IL22: variants seen among roughly 807,000 people sequenced by gnomAD.
The protein encoded by IL22 is interleukin-22.
IL22 carries 15 observed loss-of-function variants against 15.5 expected under a neutral mutation model. The ratio of observed to expected loss-of-function variants is 0.97; its 90% CI spans 0.65 to 1.49. The LOEUF (loss-of-function observed/expected upper bound fraction) is 1.49. Ranked by LOEUF, IL22 falls within the 40% of genes most tolerant of loss-of-function variation. The probability of loss-of-function intolerance (pLI) is 0.00; values close to 1 mark genes in which losing one functional copy is unlikely to be tolerated. For synonymous variants in IL22, 91 were observed against 82.0 expected (o/e 1.11, Z -0.60); for missense variants, 225 against 215.4 (o/e 1.04, Z -0.28).
In IL22 at chr12:68,253,271, C is replaced by T. The variant is rs939393811; in HGVS notation, c.178G>A (p.Ala60Thr). ...AGGATTGAGATGTATACCTCCTTAG[C>T]CAGCATGAAGGTGCGGTTGGTGATA... ...PYITNRTFML[A>T]KEASLADNNT... is the part of the protein sequence containing the mutation. Residue 60 changes from alanine to threonine, a missense_variant, in exon 2 of 6, where the codon GCT becomes ACT. Transcript: ENST00000538666. 1.2e-6 allele frequency: 2 copies of T among 1,612,616 alleles called. No homozygotes were observed. Among genetic ancestry groups the T allele is most frequent in the African/African-American group, 2.7e-5 (2 of 74,838 alleles).
chr12:68,249,009 A>C (rs1251561593), intron 5 of IL22, 133 bp from the exon 6 acceptor site: 2 of 715,196 alleles, frequency 2.8e-6, no homozygotes, highest in Non-Finnish European at 4.8e-6. Context: ...ATTCATAGTA[A>C]TATCCCTTTA....
chr12:68,248,945 A>T, intron 5 of IL22, 69 bp from the exon 6 acceptor site: 1 of 1,269,982 alleles, frequency 7.9e-7, no homozygotes, highest in Non-Finnish European at 1.1e-6. Context: ...CAAATTAGAA[A>T]TTGCAAGATT....
intron 4 of IL22, 150 bp downstream of exon 4, chr12:68,252,354 G>A: frequency 1.4e-6 from 1 of 735,824 alleles, no homozygotes; most frequent in South Asian, 1.8e-5. Flanking sequence ...AATACTCTAT[G>A]ATCCCAAATG....
chr12:68,252,684 A>C (rs761922574), intron 3 of IL22, 37 bp from the exon 4 acceptor site: 2 of 1,613,224 alleles, frequency 1.2e-6, no homozygotes, highest in South Asian at 2.2e-5. Context: ...GTCATAAGGG[A>C]TAAGACCTAA....
At position 68,248,760 on chromosome 12, in the gene IL22, G is replaced by C. The variant is rs1286768550; in HGVS notation, c.*39C>G. On this transcript the variant is annotated 3_prime_UTR_variant, in exon 6 of 6. Coordinates refer to ENST00000538666, the MANE Select transcript of IL22 (RefSeq NM_020525.5). The stretch of plus-strand genomic sequence containing the variant: ...GCATCTAATTGTTATTTCTAGCAGG[G>C]AAAGGGGGTTAGTTATTCATTTTTC... The C allele has an allele frequency of 6.6e-7, 1 of 1,520,876 alleles. No individual in the cohort carries two copies. The highest frequency in any genetic ancestry group is 2.3e-5 in the East Asian group (1 of 44,002). The allele number at this position is 1,520,876 out of a possible 1,614,324, so 94.2% of individuals were successfully genotyped here. A position where few individuals can be genotyped will look rare whatever the true frequency, so the allele number is the denominator to read the frequency against.
At chr12:68,252,395 C>T (rs996629231) in intron 4 of IL22, 109 bp downstream of exon 4, 2 of 1,126,456 alleles carry the variant, frequency 1.8e-6, no homozygotes, top group Admixed American at 2.0e-5. Context: ...CAAGACACTT[C>T]TTCCTGCTAG....
chr12:68,248,726 C>T lies in IL22; in HGVS notation c.*73G>A, dbSNP rs138303944. The T allele has an allele frequency of 4.4e-5, 53 of 1,195,408 alleles. No individual in the cohort carries two copies. Among genetic ancestry groups the T allele is most frequent in the Admixed American group, 8.1e-5 (4 of 49,506 alleles). The allele number at this position is 1,195,408 out of a possible 1,614,324, so 74.1% of individuals were successfully genotyped here. Reference sequence around the variant, plus strand: ...CATCTTCCTTTTGGTTAAAAAAAATCGCTTTGGGGCATCTAATTGTTATTT... The same window carrying T: ...CATCTTCCTTTTGGTTAAAAAAAATTGCTTTGGGGCATCTAATTGTTATTT... On this transcript the variant is annotated 3_prime_UTR_variant, in exon 6 of 6. Coordinates refer to ENST00000538666, the MANE Select transcript of IL22 (RefSeq NM_020525.5).
Position 68,251,507 on chromosome 12 carries a change from T to TC in IL22, c.462+5dup. On this transcript the variant is annotated splice_donor_region_variant and intron_variant, in intron 5 of 5. Coordinates refer to ENST00000538666, the MANE Select transcript of IL22 (RefSeq NM_020525.5). ...ATGACTTAGCATTGACAGTTATCAG[T>TC]CCTACCTTTTTCACTGTGTCCTTCA... 2 of 1,599,028 alleles carry TC rather than the reference T, an allele frequency of 1.3e-6. No homozygotes were observed. The highest frequency in any genetic ancestry group is 1.7e-6 in the Non-Finnish European group (2 of 1,166,262).
At chr12:68,252,446 G>C in intron 4 of IL22, 58 bp downstream of exon 4, 1 of 1,576,146 alleles carries the variant, frequency 6.3e-7, no homozygotes, top group Non-Finnish European at 8.7e-7. Flanking sequence ...GGGTAAGGGG[G>C]TCTCTGTGGA....
In IL22 at chr12:68,248,403, A is replaced by C. The variant is rs1204008716; in HGVS notation, c.*396T>G. On this transcript the variant is annotated 3_prime_UTR_variant, in exon 6 of 6. Transcript: ENST00000538666. ...AATGATATAAATAAAATGCAGTCTT[A>C]TAATAATAATAAATACATTTATAAA... is the stretch of plus-strand genomic sequence containing the variant. 6.6e-6 allele frequency: 1 copy of C among 152,146 alleles called. No individual in the cohort carries two copies. The highest frequency in any genetic ancestry group is 1.5e-5 in the Non-Finnish European group (1 of 68,186). 9.4% of individuals were successfully genotyped at this position (152,146 alleles called of 1,614,324 possible).
At chr12:68,249,711 G>A (rs1869862096) in intron 5 of IL22, among the ~76,000 whole-genome samples, 2 of 152,040 alleles carry the variant, frequency 1.3e-5, no homozygotes, top group Admixed American at 6.5e-5. Flanking sequence ...AAACTTAATC[G>A]AAGAGGAAAC....
At chr12:68,253,217 G>C in intron 2 of IL22, 46 bp downstream of exon 2, 1 of 1,520,678 alleles carries the variant, frequency 6.6e-7, no homozygotes, top group African/African-American at 1.4e-5. Flanking sequence ...GAACTATTTG[G>C]ATTCCAAGTA....
rs1205078217 is a variant in IL22 at position 68,248,682 on chromosome 12, A to G, written c.*117T>C. 1 of 755,108 alleles carries G rather than the reference A, an allele frequency of 1.3e-6. No homozygotes were observed. The highest frequency in any genetic ancestry group is 2.2e-5 in the Admixed American group (1 of 45,126). The allele number at this position is 755,108 out of a possible 1,614,324, so 46.8% of individuals were successfully genotyped here. On this transcript the variant is annotated 3_prime_UTR_variant, in exon 6 of 6. Transcript: ENST00000538666. ...GGGGTTCATTTGGAATCCACCCATC[A>G]TGATGGAGTTTGGCTTCCCATCTTC...
rs528641020 is a variant in IL22, at chr12:68,252,736, G to T, written c.252+28C>A. 3.1e-6 allele frequency: 5 copies of T among 1,611,578 alleles called. No individual in the cohort carries two copies. The African/African-American group carries it at 4.0e-5, about 13-fold the overall frequency. ...CCCCAAGTACCCATGGACGGCACAC[G>T]GCCCTGTTCGTCACAACTGTAGCTT... On this transcript the variant is annotated intron_variant, in intron 3 of 5. Transcript: ENST00000538666.
chr12:68,249,964 T>G (rs1038709540), intron 5 of IL22, among the ~76,000 whole-genome samples: 3 of 152,188 alleles, frequency 2.0e-5, no homozygotes, highest in Non-Finnish European at 4.4e-5. Flanking sequence ...CTACTGTCTG[T>G]CATGCATTTT....
chr12:68,252,906 T>A, intron 2 of IL22, 77 bp from the exon 3 acceptor site: 1 of 1,091,048 alleles, frequency 9.2e-7, no homozygotes, highest in Non-Finnish European at 1.4e-6. Context: ...ATGTGCCCCA[T>A]CCCGTCTCCC....
At chr12:68,249,905 C>T (rs1000691546) in intron 5 of IL22, among the ~76,000 whole-genome samples, 1 of 152,110 alleles carries the variant, frequency 6.6e-6, no homozygotes, top group Non-Finnish European at 1.5e-5. Flanking sequence ...ATATTCTTTT[C>T]TATCTCAAAG....
At position 68,252,510 on chromosome 12, in the gene IL22, G is replaced by C; in HGVS notation, c.390C>G (p.Ser130Arg). The C allele has an allele frequency of 6.2e-7, 1 of 1,613,790 alleles. No individual in the cohort carries two copies. The change falls in exon 4 of 6, where the codon AGC becomes AGG. Residue 130 changes from serine to arginine, a missense_variant. Ser to Arg is a moderately radical substitution (Grantham distance 110). Transcript: ENST00000538666. ...PFLARLSNRL[S>R]TCHIEGDDLH... ...GGCTGAGAGCTGAACTTACACATGT[G>C]CTTAGCCTGTTGCTGAGCCTGGCCA...
chr12:68,248,632 A>T lies in IL22; in HGVS notation c.*167T>A. 1.7e-6 allele frequency: 1 copy of T among 595,932 alleles called. No homozygotes were observed. 36.9% of individuals were successfully genotyped at this position (595,932 alleles called of 1,614,324 possible). On this transcript the variant is annotated 3_prime_UTR_variant, in exon 6 of 6. Transcript: ENST00000538666. Reference sequence around the variant, plus strand: ...TTCTGGTCTTATAAACAAAAGTGGCATTGGTTTCCTTTGTAACTAACGCAG... The same window carrying T: ...TTCTGGTCTTATAAACAAAAGTGGCTTTGGTTTCCTTTGTAACTAACGCAG...
Sources: allele counts gnomAD v4.1 joint callset (sites outside exome capture counted in the v4.1 genomes callset), GRCh38; gene constraint gnomAD v4.1.1; transcripts MANE v1.5; gene names NCBI Gene and HGNC (gene_info 2026-07-23, HGNC 2026-07-21).